WDR70: variants seen among roughly 807,000 people sequenced by gnomAD.
WDR70 encodes WD repeat domain 70, also known as WD repeat-containing protein 70.
In WDR70, 53 loss-of-function variants were observed where a neutral mutation model predicts 88.6. The observed-to-expected ratio is 0.60, with a 90% CI of 0.48 to 0.75. The LOEUF (loss-of-function observed/expected upper bound fraction) is 0.75. WDR70 is among the 30% of genes least tolerant of loss of function. The probability of loss-of-function intolerance (pLI) is 0.00; values close to 1 mark genes in which losing one functional copy is unlikely to be tolerated. For synonymous variants in WDR70, 280 were observed against 270.0 expected (o/e 1.04, Z -0.36); for missense variants, 610 against 823.2 (o/e 0.74, Z 3.17).
chr5:37,662,559 T>C (rs1020395456), intron 10 of WDR70, among the ~76,000 whole-genome samples: 6 of 152,216 alleles, frequency 3.9e-5, no homozygotes, highest in African/African-American at 1.4e-4. Flanking sequence ...ACAGTTTGTT[T>C]CGTCATGTTA....
At chr5:37,699,364 T>C (rs1747078522) in intron 11 of WDR70, among the ~76,000 whole-genome samples, 1 of 139,108 alleles carries the variant, frequency 7.2e-6, no homozygotes, top group South Asian at 2.3e-4. Context: ...ACACACAGTG[T>C]GTGTGTGTGT....
intron 10 of WDR70, among the ~76,000 whole-genome samples, chr5:37,654,054 G>A (rs895824288): frequency 3.3e-5 from 5 of 151,988 alleles, no homozygotes; most frequent in African/African-American, 1.2e-4. Flanking sequence ...GATTTTAGAT[G>A]TTTCCCGCTT....
intron 10 of WDR70, among the ~76,000 whole-genome samples, chr5:37,651,662 A>T (rs1445999420): frequency 6.6e-6 from 1 of 152,180 alleles, no homozygotes; most frequent in Non-Finnish European, 1.5e-5. Context: ...GACTGGCATG[A>T]GATGGTATCT....
chr5:37,507,816 T>G (rs145165859), intron 8 of WDR70, among the ~76,000 whole-genome samples: 35 of 152,344 alleles, frequency 2.3e-4, no homozygotes, highest in African/African-American at 8.2e-4. Flanking sequence ...TTTTTTGGTT[T>G]CTAACTGTCA....
At chr5:37,531,643 G>T (rs1581372018) in intron 9 of WDR70, among the ~76,000 whole-genome samples, 1 of 94,244 alleles carries the variant, frequency 1.1e-5, no homozygotes, top group Admixed American at 1.5e-4. Context: ...GCTTGCTTTT[G>T]GCGTCCATTT....
chr5:37,406,874 C>T (rs1423335843), intron 5 of WDR70, among the ~76,000 whole-genome samples: 3 of 151,978 alleles, frequency 2.0e-5, no homozygotes, highest in Non-Finnish European at 4.4e-5. Flanking sequence ...TAATATTATC[C>T]TAGACATTTT....
At chr5:37,667,844 GAAAAAAAAAAA>G (rs70978835) in intron 10 of WDR70, among the ~76,000 whole-genome samples, 44,153 of 85,612 alleles carry the variant, frequency 0.52, 9,334 homozygotes, top group Admixed American at 0.6. Context: ...TGTACGATCT[GAAAAAAAAAAA>G]AAAAAAAAAA....
chr5:37,684,504 AT>A (rs1030310274), intron 10 of WDR70, among the ~76,000 whole-genome samples: 1 of 151,968 alleles, frequency 6.6e-6, no homozygotes, highest in African/African-American at 2.4e-5. Context: ...TGAGGATTTG[AT>A]TTTGGTGTAA....
chr5:37,492,311 A>G (rs1740091449), intron 8 of WDR70, among the ~76,000 whole-genome samples: 1 of 152,210 alleles, frequency 6.6e-6, no homozygotes, highest in Non-Finnish European at 1.5e-5. Flanking sequence ...TTTTAACATT[A>G]TAATTATATT....
chr5:37,510,087 A>C (rs11358653), intron 8 of WDR70, among the ~76,000 whole-genome samples: 1,456 of 142,894 alleles, frequency 0.01, 25 homozygotes, highest in Admixed American at 0.031. Context: ...TCCCCCCCCC[A>C]AAAAAAAACT....
chr5:37,650,305 C>CG (rs940344526), intron 10 of WDR70, among the ~76,000 whole-genome samples: 1 of 151,342 alleles, frequency 6.6e-6, no homozygotes, highest in African/African-American at 2.4e-5. Context: ...GGAGGCTGAG[C>CG]GGGGAGGATG....
chr5:37,502,695 G>A (rs1022743909), intron 8 of WDR70, among the ~76,000 whole-genome samples: 1 of 152,230 alleles, frequency 6.6e-6, no homozygotes, highest in African/African-American at 2.4e-5. Context: ...GGTTCTGCAT[G>A]CTGTACAGGA....
chr5:37,410,316 G>A (rs1749487706), intron 5 of WDR70, among the ~76,000 whole-genome samples: 1 of 150,984 alleles, frequency 6.6e-6, no homozygotes, highest in Non-Finnish European at 1.5e-5. Flanking sequence ...TGGGATTATA[G>A]TTGTCAGCCA....
rs1340283488 is a variant in WDR70, at chr5:37,389,408, TTTTA to T, written c.176-2580_176-2577del. On this transcript the variant is annotated intron_variant, in intron 3 of 17. Transcript: ENST00000265107. ...CACGCCCGGCTTCAGGCCCATTCTTTTTTATTTATTTATTTTTTTTGAGACGGAG... is the reference window on the plus strand; with the variant it reads ...CACGCCCGGCTTCAGGCCCATTCTTTTTTATTTATTTTTTTTGAGACGGAG... Among the ~76,000 whole-genome samples the T allele has an allele frequency of 2.7e-3, 405 of 151,060 alleles. 3 individuals carry two copies. Among genetic ancestry groups the T allele is most frequent in the African/African-American group, 9.6e-3 (393 of 41,074 alleles).
intron 15 of WDR70, chr5:37,723,461 A>G (rs1747884247): frequency 6.5e-6 from 1 of 152,852 alleles, no homozygotes; most frequent in Non-Finnish European, 1.5e-5. Flanking sequence ...TTACTAGGGC[A>G]GAGTGGTTTC....
rs1033738447 is a variant in WDR70 at position 37,506,198 on chromosome 5, G to A, written c.841-10316G>A. The stretch of plus-strand genomic sequence containing the variant: ...CAGCACCACTGAAGTTCAAACTCTG[G>A]TATCACAGTTCTGACTTGGTTGGAG... On this transcript the variant is annotated intron_variant, in intron 8 of 17. Coordinates refer to ENST00000265107, the MANE Select transcript of WDR70 (RefSeq NM_018034.4). 8 of 989,906 alleles carry A rather than the reference G, an allele frequency of 8.1e-6. No individual in the cohort carries two copies. The African/African-American group carries it at 1.1e-4, about 14-fold the overall frequency. The allele number at this position is 989,906 out of a possible 1,614,324, so 61.3% of individuals were successfully genotyped here.
At chr5:37,676,056 A>G (rs1746195247) in intron 10 of WDR70, among the ~76,000 whole-genome samples, 1 of 145,440 alleles carries the variant, frequency 6.9e-6, no homozygotes, top group African/African-American at 2.5e-5. Context: ...GGTGTATAAG[A>G]ATGCTTGTGA....
chr5:37,728,813 A>T (rs927904572), intron 17 of WDR70, among the ~76,000 whole-genome samples: 1 of 152,064 alleles, frequency 6.6e-6, no homozygotes, highest in African/African-American at 2.4e-5. Flanking sequence ...TTGCTGTCTA[A>T]TTTTATCATC....
At chr5:37,606,977 C>T (rs1213685673) in intron 10 of WDR70, among the ~76,000 whole-genome samples, 1 of 139,024 alleles carries the variant, frequency 7.2e-6, no homozygotes, top group Non-Finnish European at 1.5e-5. Context: ...CTTTCTCTGT[C>T]ACCTAGGCTG....
Sources: gnomAD v4.1 joint callset for allele counts (sites outside exome capture counted in the v4.1 genomes callset) on GRCh38, gnomAD v4.1.1 for gene constraint, MANE v1.5 for transcripts, NCBI Gene and HGNC (gene_info 2026-07-23, HGNC 2026-07-21) for gene names.